Variants in MARCHF2 observed in about 807,000 individuals in gnomAD.
MARCHF2 encodes membrane associated ring-CH-type finger 2.
Under a neutral mutation model 24.0 loss-of-function variants are expected in MARCHF2, and 22 were observed. The ratio of observed to expected loss-of-function variants is 0.92; its 90% CI spans 0.66 to 1.31. The LOEUF (loss-of-function observed/expected upper bound fraction) is 1.31. Ranked by LOEUF, MARCHF2 falls within the 50% of genes most tolerant of loss-of-function variation. MARCHF2 has a pLI of 0.00. For missense variants in MARCHF2, 301 were observed against 335.3 expected, an observed-to-expected ratio of 0.90 and a Z score of 0.80; for synonymous variants, 154 against 153.0, an observed-to-expected ratio of 1.01 and a Z score of -0.05.
chr19:8,432,517 G>C (rs1191572365), intron 4 of MARCHF2, among the ~76,000 whole-genome samples: 1 of 152,088 alleles, frequency 6.6e-6, no homozygotes, highest in African/African-American at 2.4e-5. Context: ...AGCTGGGCAT[G>C]TTGGCTCACA....
intron 2 of MARCHF2, among the ~76,000 whole-genome samples, chr19:8,422,454 G>A (rs369748442): frequency 1.3e-5 from 2 of 151,654 alleles, no homozygotes; most frequent in East Asian, 1.9e-4. Flanking sequence ...GTGCAGTGGC[G>A]CAGTCTCAGC....
At chr19:8,432,361 C>G (rs1451601353) in intron 4 of MARCHF2, among the ~76,000 whole-genome samples, 1 of 151,888 alleles carries the variant, frequency 6.6e-6, no homozygotes, top group African/African-American at 2.4e-5. Flanking sequence ...ATGCCCATCT[C>G]TATAAAAAAT....
chr19:8,430,846 C>A lies in MARCHF2; in HGVS notation c.561C>A (p.Thr187=). The change falls in exon 4 of 5, where the codon ACC becomes ACA. Residue 187 remains threonine (T), a synonymous_variant. Transcript: ENST00000215555. The surrounding 1 kb of genome is among the most constrained non-coding windows in gnomAD (Gnocchi z 4.4). ...TTGCCCTCACCATCGCCCTCTTCAC[C>A]ATCTATGTCCTCTGGACGCTGGTGA... ...GLIALTIALF[T]IYVLWTLVSF... 6.2e-7 allele frequency: 1 copy of A among 1,608,324 alleles called. No homozygotes were observed. The highest frequency in any genetic ancestry group is 8.5e-7 in the Non-Finnish European group (1 of 1,179,084).
chr19:8,431,523 A>G lies in MARCHF2; in HGVS notation c.582+656A>G, dbSNP rs982561890. Among the ~76,000 whole-genome samples, 504 of 142,802 alleles carry G rather than the reference A, an allele frequency of 3.5e-3. 7 individuals are homozygous for G. Among genetic ancestry groups the G allele is most frequent in the African/African-American group, 0.012 (478 of 39,152 alleles). 93.7% of individuals were successfully genotyped at this position (142,802 alleles called of 152,430 possible). On this transcript the variant is annotated intron_variant, in intron 4 of 4. Coordinates refer to ENST00000215555, the MANE Select transcript of MARCHF2 (RefSeq NM_001005415.2). ...AAAAAAAAAAAAAAAAAAAAAAGGA[A>G]AAAAGAAAAAAGAAAGAAATTGAAA... is the stretch of plus-strand genomic sequence containing the variant.
At position 8,414,804 on chromosome 19, in the gene MARCHF2, CCTT is replaced by C. The variant is rs571707396; in HGVS notation, c.-53+1387_-53+1389del. ...ACTGGATGAATTCAGCCTGGAGGCTCCTTCTCAGGAGACCCCTCCACGGACAGA... is the reference window on the plus strand; with the variant it reads ...ACTGGATGAATTCAGCCTGGAGGCTCCTCAGGAGACCCCTCCACGGACAGA... On this transcript the variant is annotated intron_variant, in intron 1 of 4. Coordinates refer to ENST00000215555, the MANE Select transcript of MARCHF2 (RefSeq NM_001005415.2). Among the ~76,000 whole-genome samples the C allele has an allele frequency of 1.1e-3, 173 of 152,244 alleles. 1 individual carries two copies. The highest frequency in any genetic ancestry group is 3.9e-3 in the African/African-American group (162 of 41,546).
chr19:8,420,922 C>G (rs915781353), intron 1 of MARCHF2, among the ~76,000 whole-genome samples: 1 of 152,052 alleles, frequency 6.6e-6, no homozygotes, highest in African/African-American at 2.4e-5. Flanking sequence ...GTCTTGAATC[C>G]AAAGTGCTGG....
intron 1 of MARCHF2, among the ~76,000 whole-genome samples, chr19:8,414,919 G>A (rs1967037932): frequency 1.3e-5 from 2 of 152,136 alleles, no homozygotes; most frequent in South Asian, 2.1e-4. Context: ...TAGCCAGGAG[G>A]GCCAGGAGTT....
At chr19:8,422,442 GAGTGC>G (rs973096292) in intron 2 of MARCHF2, among the ~76,000 whole-genome samples, 1 of 151,892 alleles carries the variant, frequency 6.6e-6, no homozygotes, top group Non-Finnish European at 1.5e-5. Context: ...GCCCAGGCTG[GAGTGC>G]AGTGGCGCAG....
At chr19:8,419,552 C>T (rs1967171509) in intron 1 of MARCHF2, among the ~76,000 whole-genome samples, 1 of 151,312 alleles carries the variant, frequency 6.6e-6, no homozygotes. Context: ...CGCGGTGGCT[C>T]ACACCTGTAA....
chr19:8,437,312 T>C (rs1967751932), intron 4 of MARCHF2, among the ~76,000 whole-genome samples: 1 of 151,646 alleles, frequency 6.6e-6, no homozygotes, highest in Non-Finnish European at 1.5e-5. Context: ...AAGATCTCAT[T>C]ATCTGGAAGC....
rs1292833374 is a variant in MARCHF2 at position 8,430,699 on chromosome 19, G to A, written c.414G>A (p.Leu138=). 5.0e-6 allele frequency: 8 copies of A among 1,610,930 alleles called. No individual in the cohort carries two copies. The highest frequency in any genetic ancestry group is 6.8e-6 in the Non-Finnish European group (8 of 1,179,916). Residue 138 remains leucine, a synonymous_variant, in exon 4 of 5, where the codon CTG becomes CTA. Transcript: ENST00000215555. This position sits in a 1 kb window ranked among gnomAD's most constrained non-coding sequence, Gnocchi z 4.4. The part of the protein sequence containing the change: ...DPGPRTEKRT[L]CCDMVCFLFI... ...GGCCGCGGACGGAGAAGCGGACACT[G>A]TGCTGCGACATGGTGTGTTTCCTGT...
At chr19:8,417,748 CTTTTTTT>C (rs71175853) in intron 1 of MARCHF2, among the ~76,000 whole-genome samples, 3 of 26,826 alleles carry the variant, frequency 1.1e-4, no homozygotes, top group African/African-American at 4.6e-4. Flanking sequence ...AATACCCTGT[CTTTTTTT>C]TTTTTTTTTT....
At chr19:8,437,934 G>T (rs577844926) in intron 4 of MARCHF2, among the ~76,000 whole-genome samples, 1 of 151,740 alleles carries the variant, frequency 6.6e-6, no homozygotes, top group African/African-American at 2.4e-5. Flanking sequence ...TAGTAGAGAC[G>T]GGGTTTTTAG....
At chr19:8,428,117 G>A (rs1421634083) in intron 3 of MARCHF2, among the ~76,000 whole-genome samples, 7 of 152,158 alleles carry the variant, frequency 4.6e-5, no homozygotes, top group Non-Finnish European at 7.3e-5. Context: ...AAAATTAGCC[G>A]GGCGTGGTTG....
intron 2 of MARCHF2, among the ~76,000 whole-genome samples, chr19:8,426,052 C>G (rs1051984581): frequency 7.3e-5 from 11 of 151,302 alleles, no homozygotes; most frequent in Middle Eastern, 3.4e-3. Flanking sequence ...ACGGTGAAAC[C>G]CCGTCTCTAC....
chr19:8,420,921 C>A (rs56153384), intron 1 of MARCHF2, among the ~76,000 whole-genome samples: 6,035 of 152,064 alleles, frequency 0.04, 150 homozygotes, highest in Middle Eastern at 0.099. Flanking sequence ...TGTCTTGAAT[C>A]CAAAGTGCTG....
intron 4 of MARCHF2, among the ~76,000 whole-genome samples, chr19:8,435,210 G>A (rs1319561871): frequency 6.6e-6 from 1 of 150,874 alleles, no homozygotes; most frequent in African/African-American, 2.4e-5. Context: ...AGTAGAGACA[G>A]GGTTTCACCA....
chr19:8,430,598 T>A lies in MARCHF2; in HGVS notation c.373-60T>A. ...GCCTAGGCCTGGAGGTCCTTACCCC[T>A]CCCCCTCAGTAGCCCCTTCTCTGCC... is the stretch of plus-strand genomic sequence containing the variant. On this transcript the variant is annotated intron_variant, in intron 3 of 4. Coordinates refer to ENST00000215555, the MANE Select transcript of MARCHF2 (RefSeq NM_001005415.2). This position sits in a 1 kb window ranked among gnomAD's most constrained non-coding sequence, Gnocchi z 4.4. 2.2e-6 allele frequency: 3 copies of A among 1,338,200 alleles called. No individual in the cohort carries two copies. The highest frequency in any genetic ancestry group is 3.2e-6 in the Non-Finnish European group (3 of 947,382). The allele number at this position is 1,338,200 out of a possible 1,614,324, so 82.9% of individuals were successfully genotyped here. A position where few individuals can be genotyped will look rare whatever the true frequency, so the allele number is the denominator to read the frequency against.
At chr19:8,420,921 C>G (rs56153384) in intron 1 of MARCHF2, among the ~76,000 whole-genome samples, 1 of 151,956 alleles carries the variant, frequency 6.6e-6, no homozygotes, top group Non-Finnish European at 1.5e-5. Context: ...TGTCTTGAAT[C>G]CAAAGTGCTG....
Sources: allele counts gnomAD v4.1 joint callset (sites outside exome capture counted in the v4.1 genomes callset), GRCh38; gene constraint gnomAD v4.1.1; non-coding constraint Gnocchi (gnomAD v3.1); transcripts MANE v1.5; gene names NCBI Gene and HGNC (gene_info 2026-07-23, HGNC 2026-07-21).